KCNT2: variants seen among roughly 807,000 people sequenced by gnomAD.
The protein encoded by KCNT2 is potassium sodium-activated channel subfamily T member 2.
A neutral mutation model predicts 153.8 loss-of-function variants in KCNT2; 67 were observed. That is an observed-to-expected ratio of 0.44 (90% CI 0.36 to 0.53). The LOEUF (loss-of-function observed/expected upper bound fraction) is 0.53, where lower values mean the gene tolerates loss of function less well. Ranked by LOEUF, KCNT2 falls within the 20% of genes least tolerant of loss-of-function variation. The probability of loss-of-function intolerance (pLI) is 0.00; values close to 1 mark genes in which losing one functional copy is unlikely to be tolerated. For synonymous variants in KCNT2, 500 were observed against 458.8 expected (o/e 1.09, Z -1.15); for missense variants, 975 against 1,354.8 (o/e 0.72, Z 4.40).
intron 25 of KCNT2, among the ~76,000 whole-genome samples, chr1:196,260,002 G>A (rs1175864470): frequency 1.3e-5 from 2 of 151,566 alleles, no homozygotes; most frequent in South Asian, 2.1e-4. Context: ...TAAGTAATAC[G>A]TACCACCAAC....
At chr1:196,271,036 CCA>C (rs1306583269) in intron 25 of KCNT2, among the ~76,000 whole-genome samples, 2 of 151,098 alleles carry the variant, frequency 1.3e-5, no homozygotes, top group South Asian at 2.1e-4. Context: ...ACACACACAA[CCA>C]CACACACACA....
At chr1:196,240,396 A>G (rs1056039584) in intron 26 of KCNT2, among the ~76,000 whole-genome samples, 6 of 152,038 alleles carry the variant, frequency 3.9e-5, no homozygotes, top group Non-Finnish European at 8.8e-5. Context: ...AATAAATAAC[A>G]AATATAATTT....
chr1:196,482,498 A>C (rs1463000001), intron 3 of KCNT2, 119 bp from the exon 4 acceptor site: 41 of 503,578 alleles, frequency 8.1e-5, no homozygotes, highest in Non-Finnish European at 6.8e-6. Context: ...AAATATCAAA[A>C]TCAACATTTG....
intron 14 of KCNT2, among the ~76,000 whole-genome samples, chr1:196,352,755 A>C (rs1443386121): frequency 2.0e-5 from 3 of 151,880 alleles, no homozygotes; most frequent in African/African-American, 7.3e-5. Context: ...TAGCTTTTGA[A>C]TGTGTTTGCT....
chr1:196,477,513 G>A (rs150372146), intron 5 of KCNT2, among the ~76,000 whole-genome samples: 17 of 152,142 alleles, frequency 1.1e-4, no homozygotes, highest in Admixed American at 2.6e-4. Context: ...GAACCCAGGC[G>A]GAGTTGAAGC....
rs562936636 is a variant in KCNT2 at position 196,579,964 on chromosome 1, G to A, written c.95+28251C>T. Among the ~76,000 whole-genome samples, 7 of 152,246 alleles carry A rather than the reference G, an allele frequency of 4.6e-5. No individual in the cohort carries two copies. In the South Asian group the frequency reaches 1.2e-3, roughly 27 times the overall value. The stretch of plus-strand genomic sequence containing the variant: ...GGAAAGATAAAAGAATGGAAAAATG[G>A]CTTCCACATTCTGACAGAAAATAAT... On this transcript the variant is annotated intron_variant, in intron 1 of 27. Coordinates refer to ENST00000294725, the MANE Select transcript of KCNT2 (RefSeq NM_198503.5).
intron 10 of KCNT2, 63 bp downstream of exon 10, chr1:196,428,042 T>G: frequency 7.7e-7 from 1 of 1,292,054 alleles, no homozygotes; most frequent in Non-Finnish European, 1.1e-6. Flanking sequence ...CATCAGTTAA[T>G]TGACTTTGAC....
chr1:196,340,290 T>C, intron 16 of KCNT2, 51 bp downstream of exon 16: 12 of 1,105,484 alleles, frequency 1.1e-5, no homozygotes, highest in Non-Finnish European at 1.4e-5. Flanking sequence ...TTTATCATTA[T>C]TTTTTATTTT....
intron 1 of KCNT2, among the ~76,000 whole-genome samples, chr1:196,596,826 C>T (rs902309213): frequency 1.1e-4 from 17 of 152,002 alleles, no homozygotes; most frequent in East Asian, 5.8e-4. Flanking sequence ...CTCAGCCTCC[C>T]GAGTAGCTAG....
At chr1:196,252,478 A>G (rs1393336926) in intron 26 of KCNT2, among the ~76,000 whole-genome samples, 1 of 151,782 alleles carries the variant, frequency 6.6e-6, no homozygotes, top group East Asian at 1.9e-4. Context: ...CTGAAATAAT[A>G]TAATACCATT....
At chr1:196,295,455 T>C (rs1335159178) in intron 22 of KCNT2, among the ~76,000 whole-genome samples, 3 of 151,294 alleles carry the variant, frequency 2.0e-5, no homozygotes, top group Admixed American at 2.0e-4. Flanking sequence ...TTAATATTCA[T>C]GATAAGGTAA....
intron 12 of KCNT2, among the ~76,000 whole-genome samples, chr1:196,405,213 C>G (rs1214436225): frequency 1.3e-5 from 2 of 149,592 alleles, no homozygotes; most frequent in African/African-American, 4.9e-5. Flanking sequence ...TAAAACTTTT[C>G]TTGGGGACAA....
intron 22 of KCNT2, among the ~76,000 whole-genome samples, chr1:196,291,393 G>C (rs900751696): frequency 1.3e-5 from 2 of 151,842 alleles, no homozygotes; most frequent in African/African-American, 4.8e-5. Flanking sequence ...TGACTTTAAA[G>C]TTATGTAAAA....
At chr1:196,491,102 A>G (rs1679824001) in intron 2 of KCNT2, among the ~76,000 whole-genome samples, 1 of 152,054 alleles carries the variant, frequency 6.6e-6, no homozygotes, top group Non-Finnish European at 1.5e-5. Context: ...TCCTCAAATA[A>G]CTGCTTAGTT....
intron 14 of KCNT2, among the ~76,000 whole-genome samples, chr1:196,359,936 CA>C (rs1277994980): frequency 2.6e-5 from 4 of 151,934 alleles, no homozygotes; most frequent in African/African-American, 9.7e-5. Flanking sequence ...AGAATTAAGG[CA>C]GATATATTTA....
chr1:196,370,551 A>AAT (rs1668435772), intron 14 of KCNT2, among the ~76,000 whole-genome samples: 1 of 151,974 alleles, frequency 6.6e-6, no homozygotes, highest in East Asian at 1.9e-4. Context: ...ATGATAAAAA[A>AAT]AAGCGCGGAT....
At chr1:196,375,838 A>G (rs1213514791) in intron 13 of KCNT2, among the ~76,000 whole-genome samples, 2 of 151,850 alleles carry the variant, frequency 1.3e-5, no homozygotes, top group African/African-American at 4.8e-5. Context: ...TTGTTAGAAC[A>G]AATGTAAATT....
chr1:196,574,216 T>A (rs1431455851), intron 1 of KCNT2, among the ~76,000 whole-genome samples: 1 of 152,012 alleles, frequency 6.6e-6, no homozygotes, highest in African/African-American at 2.4e-5. Flanking sequence ...TATGAAAAGC[T>A]TCCTGGTAAT....
At chr1:196,248,382 A>C (rs1655643405) in intron 26 of KCNT2, among the ~76,000 whole-genome samples, 1 of 152,086 alleles carries the variant, frequency 6.6e-6, no homozygotes, top group Non-Finnish European at 1.5e-5. Context: ...TAAGATAAAC[A>C]AAATTGACAA....
Sources: allele counts gnomAD v4.1 joint callset (sites outside exome capture counted in the v4.1 genomes callset), GRCh38; gene constraint gnomAD v4.1.1; transcripts MANE v1.5; gene names NCBI Gene and HGNC (gene_info 2026-07-23, HGNC 2026-07-21).